The following ADAMTSL3 variants were observed in gnomAD, a reference collection of about 807,000 sequenced individuals.
ADAMTSL3 encodes the protein ADAMTS like 3, also known as ADAMTS-like protein 3.
Under a neutral mutation model 201.7 loss-of-function variants are expected in ADAMTSL3, and 128 were observed. The ratio of observed to expected loss-of-function variants is 0.63; its 90% CI spans 0.55 to 0.73. The LOEUF is 0.73. Ranked by LOEUF, ADAMTSL3 falls within the 30% of genes least tolerant of loss-of-function variation. ADAMTSL3 has a pLI of 0.00. For synonymous variants in ADAMTSL3, 738 were observed against 748.4 expected (o/e 0.99, Z 0.23); for missense variants, 1,990 against 2,119.6 (o/e 0.94, Z 1.20).
At chr15:83,855,492 C>T (rs1052310268) in intron 7 of ADAMTSL3, among the ~76,000 whole-genome samples, 1 of 152,174 alleles carries the variant, frequency 6.6e-6, no homozygotes, top group African/African-American at 2.4e-5. Context: ...GGAACCACTA[C>T]ACAGGTCAAA....
At position 83,860,591 on chromosome 15, in the gene ADAMTSL3, A is replaced by G. The variant is rs928776442; in HGVS notation, c.802+1751A>G. The stretch of plus-strand genomic sequence containing the variant: ...GGTCTTGATATTCTCATGATATTAA[A>G]GGCCATTCCCCAAAATTCAGCTCCA... On this transcript the variant is annotated intron_variant, in intron 8 of 29. Transcript: ENST00000286744. Among the ~76,000 whole-genome samples, 16 of 152,364 alleles carry G rather than the reference A, an allele frequency of 1.1e-4. No homozygotes were observed. The South Asian group carries it at 3.1e-3, about 30-fold the overall frequency.
chr15:83,892,676 C>G lies in ADAMTSL3; in HGVS notation c.1263-8C>G, dbSNP rs1436549650. 2 of 1,609,640 alleles carry G rather than the reference C, an allele frequency of 1.2e-6. No homozygotes were observed. Among genetic ancestry groups the G allele is most frequent in the Non-Finnish European group, 1.7e-6 (2 of 1,177,852 alleles). On this transcript the variant is annotated splice_polypyrimidine_tract_variant and splice_region_variant and intron_variant, in intron 12 of 29. Transcript: ENST00000286744. ...TAAATAATATAATTTTATTTGTTTG[C>G]TTTTGAGCTGGGAACATAATCCTTG...
Position 83,724,455 on chromosome 15 carries a change from T to G in ADAMTSL3, c.189+19947T>G, listed in dbSNP as rs114214900. On this transcript the variant is annotated intron_variant, in intron 3 of 29. Transcript: ENST00000286744. The stretch of plus-strand genomic sequence containing the variant: ...AGTAAGTGTATATATTTATGGGGTA[T>G]GTGAGATATTTTGAATCAGGCATGC... 9.6e-3 allele frequency among the ~76,000 whole-genome samples: 1,461 copies of G among 152,154 alleles called. 29 individuals are homozygous for G. The highest frequency in any genetic ancestry group is 0.034 in the African/African-American group (1,392 of 41,506).
At chr15:83,765,339 C>T (rs1474025033) in intron 3 of ADAMTSL3, among the ~76,000 whole-genome samples, 1 of 152,070 alleles carries the variant, frequency 6.6e-6, no homozygotes, top group East Asian at 1.9e-4. Flanking sequence ...CCTTAAATAA[C>T]CTTTGTGGTA....
intron 2 of ADAMTSL3, among the ~76,000 whole-genome samples, chr15:83,678,542 C>T (rs140862419): frequency 2.0e-5 from 3 of 151,276 alleles, no homozygotes; most frequent in Admixed American, 2.0e-4. Context: ...CATTGTTTCT[C>T]TCTAGCTGAT....
rs2064310161 is a variant in ADAMTSL3 at position 83,838,107 on chromosome 15, C to T, written c.619C>T (p.Gln207Ter). The T allele has an allele frequency of 6.2e-7, 1 of 1,610,118 alleles. No homozygotes were observed. Among genetic ancestry groups the T allele is most frequent in the African/African-American group, 1.3e-5 (1 of 74,652 alleles). ...TTGGCAGGCAGTGGGCTGCGATCGG[C>T]AACTGGGAAGCAATGCCAAGGAGGA... ...GICQAVGCDRQLGSNAKEDNC... is the reference protein window; with the variant it reads ...GICQAVGCDR The change falls in exon 7 of 30, where the codon CAA becomes TAA. Residue 207 changes from glutamine (Q) to a stop codon, truncating the protein, a stop_gained. Coordinates refer to ENST00000286744, the MANE Select transcript of ADAMTSL3 (RefSeq NM_207517.3). LOFTEE classifies it high-confidence loss of function.
chr15:83,924,294 A>G (rs1027699238), intron 17 of ADAMTSL3, among the ~76,000 whole-genome samples: 2 of 152,210 alleles, frequency 1.3e-5, no homozygotes, highest in South Asian at 2.1e-4. Context: ...CCTGCTACCC[A>G]TAAAACCATG....
At chr15:83,708,012 G>A (rs1004244191) in intron 3 of ADAMTSL3, among the ~76,000 whole-genome samples, 4 of 152,154 alleles carry the variant, frequency 2.6e-5, no homozygotes, top group Admixed American at 6.5e-5. Context: ...AGCAGCCACC[G>A]GCATTCCACA....
chr15:83,990,985 C>T (rs2067572119), intron 22 of ADAMTSL3, 101 bp from the exon 23 acceptor site: 3 of 1,535,100 alleles, frequency 2.0e-6, no homozygotes, highest in Non-Finnish European at 2.7e-6. Flanking sequence ...GGACTCCACT[C>T]CTGCCCTCAA....
intron 4 of ADAMTSL3, among the ~76,000 whole-genome samples, chr15:83,793,091 C>A (rs2063368039): frequency 6.6e-6 from 1 of 152,060 alleles, no homozygotes; most frequent in Admixed American, 6.5e-5. Flanking sequence ...CACAGGAAGG[C>A]AAATACCACA....
chr15:83,766,360 GAACGAA>G (rs2062890679), intron 3 of ADAMTSL3, among the ~76,000 whole-genome samples: 1 of 152,210 alleles, frequency 6.6e-6, no homozygotes, highest in Non-Finnish European at 1.5e-5. Context: ...GTGAGAAAAT[GAACGAA>G]TGCATGTGAG....
chr15:83,665,919 A>G (rs1014060407), intron 2 of ADAMTSL3, among the ~76,000 whole-genome samples: 5 of 152,234 alleles, frequency 3.3e-5, no homozygotes, highest in African/African-American at 1.2e-4. Context: ...AAGAATATTT[A>G]AAGTATTAAA....
chr15:84,007,580 C>G (rs2067917802), intron 23 of ADAMTSL3, among the ~76,000 whole-genome samples: 1 of 145,346 alleles, frequency 6.9e-6, no homozygotes, highest in Non-Finnish European at 1.6e-5. Flanking sequence ...ATCCATCTCT[C>G]TCTGGCTCTG....
In ADAMTSL3 at chr15:83,661,308, A is replaced by G. The variant is rs563273657; in HGVS notation, c.69+5478A>G. Among the ~76,000 whole-genome samples, 578 of 134,100 alleles carry G rather than the reference A, an allele frequency of 4.3e-3. 1 individual carries two copies. Among genetic ancestry groups the G allele is most frequent in the Non-Finnish European group, 5.8e-3 (353 of 61,310 alleles). 88.0% of individuals were successfully genotyped at this position (134,100 alleles called of 152,430 possible). A position where few individuals can be genotyped will look rare whatever the true frequency, so the allele number is the denominator to read the frequency against. ...ATGAACTTTAAAGTAGTTTTTTCCA[A>G]TTCTGTGAAGAAAGGCATTGGTAGC... On this transcript the variant is annotated intron_variant, in intron 2 of 29. Coordinates refer to ENST00000286744, the MANE Select transcript of ADAMTSL3 (RefSeq NM_207517.3).
intron 7 of ADAMTSL3, among the ~76,000 whole-genome samples, chr15:83,846,227 C>T (rs903599143): frequency 6.6e-6 from 1 of 152,142 alleles, no homozygotes; most frequent in Admixed American, 6.5e-5. Context: ...TTACACTGTG[C>T]TATGTATTTG....
intron 3 of ADAMTSL3, among the ~76,000 whole-genome samples, chr15:83,766,681 C>T (rs562567053): frequency 3.1e-4 from 47 of 152,304 alleles, no homozygotes; most frequent in African/African-American, 1.1e-3. Context: ...AAAGAAAATG[C>T]AGGCTTTGTC....
chr15:83,964,715 T>C (rs1435492339), intron 19 of ADAMTSL3, among the ~76,000 whole-genome samples: 1 of 152,066 alleles, frequency 6.6e-6, no homozygotes, highest in East Asian at 1.9e-4. Context: ...CCAAGACACA[T>C]AATCGTCAGA....
chr15:83,883,477 A>G (rs1280562448), intron 9 of ADAMTSL3, among the ~76,000 whole-genome samples: 1 of 150,546 alleles, frequency 6.6e-6, no homozygotes, highest in Non-Finnish European at 1.5e-5. Context: ...CTGGCCCACC[A>G]TATTTATTTT....
Position 83,885,146 on chromosome 15 carries a change from T to C in ADAMTSL3, c.1006T>C (p.Tyr336His), listed in dbSNP as rs761087625. Residue 336 changes from tyrosine to histidine, a missense_variant, in exon 10 of 30, where the codon TAC becomes CAC. Transcript: ENST00000286744. ...AKDSVVQFFF[Y>H]QPISHQWRQT... ...AGACAGCGTGGTTCAGTTCTTCTTT[T>C]ACCAGCCCATCAGTCATCAGTGGAG... The C allele has an allele frequency of 3.1e-6, 5 of 1,614,192 alleles. No homozygotes were observed. In the East Asian group the frequency reaches 1.1e-4, roughly 36 times the overall value.
Sources: gnomAD v4.1 joint callset for allele counts (sites outside exome capture counted in the v4.1 genomes callset) on GRCh38, gnomAD v4.1.1 for gene constraint, MANE v1.5 for transcripts, NCBI Gene and HGNC (gene_info 2026-07-23, HGNC 2026-07-21) for gene names.